The following PTPRD variants were observed in gnomAD, a reference collection of about 807,000 sequenced individuals.
PTPRD encodes protein tyrosine phosphatase receptor type D, also known as receptor-type tyrosine-protein phosphatase delta.
Under a neutral mutation model 214.5 loss-of-function variants are expected in PTPRD, and 34 were observed. The ratio of observed to expected loss-of-function variants is 0.16; its 90% CI spans 0.12 to 0.21. PTPRD has a LOEUF of 0.21. Ranked by LOEUF, PTPRD falls within the 10% of genes least tolerant of loss-of-function variation. PTPRD has a pLI of 1.00. For synonymous variants in PTPRD, 1,128 were observed against 845.7 expected, an observed-to-expected ratio of 1.33 and a Z score of -5.79; for missense variants, 2,545 against 2,398.7, an observed-to-expected ratio of 1.06 and a Z score of -1.27.
At chr9:10,003,232 C>T (rs190715349) in intron 4 of PTPRD, among the ~76,000 whole-genome samples, 1 of 151,488 alleles carries the variant, frequency 6.6e-6, no homozygotes, top group East Asian at 1.9e-4. Flanking sequence ...TAGTTATATG[C>T]CTAGAATACT....
intron 2 of PTPRD, among the ~76,000 whole-genome samples, chr9:10,509,565 A>G (rs1380013261): frequency 1.4e-5 from 1 of 73,084 alleles, no homozygotes; most frequent in Non-Finnish European, 3.5e-5. Context: ...TATTATATAT[A>G]TATATATATA....
chr9:9,309,499 A>C (rs1412836481), intron 9 of PTPRD, among the ~76,000 whole-genome samples: 1 of 152,112 alleles, frequency 6.6e-6, no homozygotes, highest in East Asian at 1.9e-4. Flanking sequence ...TAATGTTTAT[A>C]ATTTTGGTGT....
chr9:9,559,477 AAT>A (rs1267495606), intron 8 of PTPRD, among the ~76,000 whole-genome samples: 1 of 152,252 alleles, frequency 6.6e-6, no homozygotes, highest in Non-Finnish European at 1.5e-5. Context: ...ATTCAGTTTT[AAT>A]AGGCACCCCT....
intron 11 of PTPRD, among the ~76,000 whole-genome samples, chr9:8,743,066 C>G (rs1282255841): frequency 6.9e-6 from 1 of 145,766 alleles, no homozygotes; most frequent in African/African-American, 2.5e-5. Flanking sequence ...AAACCCTGTC[C>G]TAGAACAGCT....
In PTPRD at chr9:9,034,165, G is replaced by C. The variant is rs113352268; in HGVS notation, c.-142-15430C>G. On this transcript the variant is annotated intron_variant, in intron 10 of 45. Transcript: ENST00000381196. Reference sequence around the variant, plus strand: ...AGTATTGCACAGTGCACCAGATTTGGCAGGACTAACATTTACTCTGGCTTT... The same window carrying C: ...AGTATTGCACAGTGCACCAGATTTGCCAGGACTAACATTTACTCTGGCTTT... Among the ~76,000 whole-genome samples, 287 of 152,232 alleles carry C rather than the reference G, an allele frequency of 1.9e-3. 1 individual carries two copies. Among genetic ancestry groups the C allele is most frequent in the African/African-American group, 6.8e-3 (281 of 41,544 alleles).
chr9:10,306,950 C>G (rs2096091995), intron 3 of PTPRD, among the ~76,000 whole-genome samples: 1 of 152,044 alleles, frequency 6.6e-6, no homozygotes, highest in African/African-American at 2.4e-5. Flanking sequence ...TTGATTCATA[C>G]TATTTGAAAG....
At chr9:9,078,957 G>A (rs918086109) in intron 10 of PTPRD, among the ~76,000 whole-genome samples, 1 of 152,016 alleles carries the variant, frequency 6.6e-6, no homozygotes, top group Non-Finnish European at 1.5e-5. Flanking sequence ...TCAGATCAGG[G>A]TAATTAGCAT....
chr9:10,240,259 G>C (rs1426030808), intron 3 of PTPRD, among the ~76,000 whole-genome samples: 1 of 151,820 alleles, frequency 6.6e-6, no homozygotes, highest in Non-Finnish European at 1.5e-5. Context: ...CCTTCTGAAG[G>C]CTCCCATGCT....
At chr9:9,159,061 A>T (rs1476206770) in intron 10 of PTPRD, among the ~76,000 whole-genome samples, 1 of 152,218 alleles carries the variant, frequency 6.6e-6, no homozygotes, top group African/African-American at 2.4e-5. Context: ...GTATCTCAAC[A>T]CAATAAAGGC....
chr9:8,769,450 A>T (rs911181330), intron 11 of PTPRD, among the ~76,000 whole-genome samples: 1 of 152,232 alleles, frequency 6.6e-6, no homozygotes, highest in African/African-American at 2.4e-5. Context: ...TATTTATTGA[A>T]CATCCACAAA....
At chr9:9,605,006 T>A (rs1288159704) in intron 7 of PTPRD, among the ~76,000 whole-genome samples, 2 of 152,074 alleles carry the variant, frequency 1.3e-5, no homozygotes, top group Non-Finnish European at 2.9e-5. Flanking sequence ...CTGTGAAATA[T>A]ATGCTCATAA....
intron 3 of PTPRD, among the ~76,000 whole-genome samples, chr9:10,038,549 G>C (rs1589473852): frequency 6.6e-6 from 1 of 151,992 alleles, no homozygotes; most frequent in East Asian, 1.9e-4. Context: ...TCATATTGGA[G>C]ATACTAATAT....
intron 4 of PTPRD, among the ~76,000 whole-genome samples, chr9:10,001,087 T>G (rs918776335): frequency 9.2e-5 from 14 of 152,120 alleles, no homozygotes; most frequent in African/African-American, 2.9e-4. Flanking sequence ...TTTTTCTTCT[T>G]TCTTGACTAT....
At chr9:9,865,148 G>A (rs1241992173) in intron 5 of PTPRD, among the ~76,000 whole-genome samples, 1 of 152,074 alleles carries the variant, frequency 6.6e-6, no homozygotes, top group Non-Finnish European at 1.5e-5. Flanking sequence ...TATGCATTGG[G>A]ATGAATGACA....
At chr9:10,149,805 C>T (rs113725543) in intron 3 of PTPRD, among the ~76,000 whole-genome samples, 15,811 of 151,122 alleles carry the variant, frequency 0.1, 907 homozygotes, top group Admixed American at 0.15. Context: ...ATCTTGGCTC[C>T]TTGCAACCTT....
At chr9:8,391,604 T>G (rs1281167110) in intron 36 of PTPRD, among the ~76,000 whole-genome samples, 1 of 152,150 alleles carries the variant, frequency 6.6e-6, no homozygotes, top group Admixed American at 6.6e-5. Context: ...AAACCTACTT[T>G]CAAAACTTTA....
At chr9:8,483,670 T>G (rs1044432736) in intron 30 of PTPRD, among the ~76,000 whole-genome samples, 1 of 152,194 alleles carries the variant, frequency 6.6e-6, no homozygotes, top group African/African-American at 2.4e-5. Context: ...TCCCAGCTAC[T>G]TGTGACGCTG....
intron 5 of PTPRD, among the ~76,000 whole-genome samples, chr9:9,868,393 T>C (rs1398707971): frequency 6.6e-6 from 1 of 152,144 alleles, no homozygotes; most frequent in East Asian, 1.9e-4. Context: ...TTTTGCTATA[T>C]ACACTGAAGA....
At chr9:8,605,994 C>T (rs1217435527) in intron 14 of PTPRD, among the ~76,000 whole-genome samples, 1 of 151,986 alleles carries the variant, frequency 6.6e-6, no homozygotes, top group Non-Finnish European at 1.5e-5. Context: ...TGGGGATGTA[C>T]ATCGTATACT....
Sources: gnomAD v4.1 joint callset for allele counts (sites outside exome capture counted in the v4.1 genomes callset) on GRCh38, gnomAD v4.1.1 for gene constraint, MANE v1.5 for transcripts, NCBI Gene and HGNC (gene_info 2026-07-23, HGNC 2026-07-21) for gene names.